PSMA1: variants seen among roughly 807,000 people sequenced by gnomAD.
PSMA1 encodes the protein proteasome subunit alpha type-1.
In PSMA1, 3 loss-of-function variants were observed where a neutral mutation model predicts 38.4. The ratio of observed to expected loss-of-function variants is 0.08; its 90% CI spans 0.04 to 0.20. PSMA1 has a LOEUF of 0.20. Ranked by LOEUF, PSMA1 falls within the 10% of genes least tolerant of loss-of-function variation. The probability of loss-of-function intolerance (pLI) is 1.00; values close to 1 mark genes in which losing one functional copy is unlikely to be tolerated. For synonymous variants in PSMA1, 101 were observed against 107.1 expected, an observed-to-expected ratio of 0.94 and a Z score of 0.35; for missense variants, 227 against 325.3, an observed-to-expected ratio of 0.70 and a Z score of 2.32.
chr11:14,642,828 A>T (rs1384845210), intron 1 of PSMA1, among the ~76,000 whole-genome samples: 2 of 152,178 alleles, frequency 1.3e-5, no homozygotes, highest in African/African-American at 2.4e-5. Flanking sequence ...AGTACTTCAC[A>T]GATAGCATCT....
intron 2 of PSMA1, among the ~76,000 whole-genome samples, chr11:14,596,437 T>C (rs1247413486): frequency 6.6e-6 from 1 of 152,246 alleles, no homozygotes; most frequent in Admixed American, 6.5e-5. Context: ...TGGTTTGTAG[T>C]TCTCCTTGAA....
At chr11:14,639,935 G>C (rs887941137) in intron 1 of PSMA1, among the ~76,000 whole-genome samples, 1 of 152,142 alleles carries the variant, frequency 6.6e-6, no homozygotes, top group African/African-American at 2.4e-5. Flanking sequence ...TATTACCTCT[G>C]TATCACAGCT....
chr11:14,514,621 G>GT (rs1851397291), intron 4 of PSMA1, 130 bp from the exon 5 acceptor site: 2 of 711,036 alleles, frequency 2.8e-6, no homozygotes, highest in Non-Finnish European at 4.2e-6. Context: ...AAAACAGAAG[G>GT]TAAGAAAGAC....
At chr11:14,557,980 A>G (rs1470230962) in intron 2 of PSMA1, among the ~76,000 whole-genome samples, 1 of 152,200 alleles carries the variant, frequency 6.6e-6, no homozygotes, top group Non-Finnish European at 1.5e-5. Context: ...GATTTGTCCC[A>G]GTATGAGTGA....
At chr11:14,532,300 AT>A (rs1242777132) in intron 2 of PSMA1, among the ~76,000 whole-genome samples, 1 of 152,078 alleles carries the variant, frequency 6.6e-6, no homozygotes, top group African/African-American at 2.4e-5. Flanking sequence ...TATAATATAC[AT>A]TTTTTCTAAT....
chr11:14,530,710 T>G (rs1851638066), intron 2 of PSMA1, among the ~76,000 whole-genome samples: 1 of 152,086 alleles, frequency 6.6e-6, no homozygotes. Flanking sequence ...GAGACCAGCC[T>G]GACCAACATG....
chr11:14,582,099 A>C (rs1218597932), intron 2 of PSMA1, among the ~76,000 whole-genome samples: 1 of 152,214 alleles, frequency 6.6e-6, no homozygotes, highest in African/African-American at 2.4e-5. Flanking sequence ...CAATTGAGGC[A>C]GATAGGGATA....
intron 2 of PSMA1, among the ~76,000 whole-genome samples, chr11:14,578,566 A>C (rs893310520): frequency 1.3e-5 from 2 of 152,246 alleles, no homozygotes; most frequent in African/African-American, 4.8e-5. Flanking sequence ...GATGGCTTCT[A>C]CTATAAGAAG....
intron 2 of PSMA1, among the ~76,000 whole-genome samples, chr11:14,592,480 G>C (rs922549378): frequency 6.6e-6 from 1 of 151,664 alleles, no homozygotes; most frequent in Non-Finnish European, 1.5e-5. Context: ...CCACCTCCTG[G>C]TTTCACGCCA....
intron 8 of PSMA1, among the ~76,000 whole-genome samples, chr11:14,508,411 C>A (rs1851282157): frequency 6.6e-6 from 1 of 152,022 alleles, no homozygotes; most frequent in African/African-American, 2.4e-5. Context: ...GGACATTGTT[C>A]TAACAATTTT....
chr11:14,631,739 T>C (rs1359998287), intron 1 of PSMA1, among the ~76,000 whole-genome samples: 1 of 152,206 alleles, frequency 6.6e-6, no homozygotes. Context: ...TTCTGTCTCA[T>C]TGATGTGTCT....
chr11:14,625,091 C>T (rs1291133685), intron 1 of PSMA1, among the ~76,000 whole-genome samples: 1 of 152,160 alleles, frequency 6.6e-6, no homozygotes, highest in Non-Finnish European at 1.5e-5. Context: ...AGGATGTGTT[C>T]CCTAAATTTG....
intron 2 of PSMA1, among the ~76,000 whole-genome samples, chr11:14,569,337 G>T (rs1012888343): frequency 6.6e-6 from 1 of 152,138 alleles, no homozygotes; most frequent in South Asian, 2.1e-4. Context: ...TCCAACTGAG[G>T]TACCAGGTTC....
intron 1 of PSMA1, among the ~76,000 whole-genome samples, chr11:14,628,945 T>G (rs984491776): frequency 6.6e-6 from 1 of 151,334 alleles, no homozygotes. Context: ...TCATGTGTTT[T>G]TTGGCTGCAT....
At chr11:14,626,637 T>C (rs933672812) in intron 1 of PSMA1, among the ~76,000 whole-genome samples, 5 of 152,216 alleles carry the variant, frequency 3.3e-5, no homozygotes, top group African/African-American at 1.2e-4. Context: ...GTAAGAAACC[T>C]GGGCAAGTCC....
At chr11:14,598,673 T>C (rs1453658997) in intron 2 of PSMA1, among the ~76,000 whole-genome samples, 1 of 149,612 alleles carries the variant, frequency 6.7e-6, no homozygotes, top group Non-Finnish European at 1.5e-5. Context: ...TACAGCACAC[T>C]GATGGGTCTT....
chr11:14,524,635 C>T (rs1156340399), upstream of PSMA1, among the ~76,000 whole-genome samples: 1 of 152,152 alleles, frequency 6.6e-6, no homozygotes, highest in Non-Finnish European at 1.5e-5. Context: ...GTGAAATAAA[C>T]AGCCATGTTG....
chr11:14,578,144 A>C (rs1353945985), intron 2 of PSMA1, among the ~76,000 whole-genome samples: 1 of 151,960 alleles, frequency 6.6e-6, no homozygotes, highest in African/African-American at 2.4e-5. Flanking sequence ...TGATGGGTGC[A>C]GCAAGCCACC....
At chr11:14,524,950 G>C (rs1458848901), upstream of PSMA1, among the ~76,000 whole-genome samples, 1 of 152,096 alleles carries the variant, frequency 6.6e-6, no homozygotes, top group East Asian at 1.9e-4. Flanking sequence ...AGCGGCTGAA[G>C]ACTGACACTG....
Sources: gnomAD v4.1 joint callset for allele counts (sites outside exome capture counted in the v4.1 genomes callset) on GRCh38, gnomAD v4.1.1 for gene constraint, MANE v1.5 for transcripts, NCBI Gene and HGNC (gene_info 2026-07-23, HGNC 2026-07-21) for gene names.